Variants in CRMP1 observed in about 807,000 individuals in gnomAD.
CRMP1 encodes the protein collapsin response mediator protein 1.
Under a neutral mutation model 68.3 loss-of-function variants are expected in CRMP1, and 19 were observed. The ratio of observed to expected loss-of-function variants is 0.28; its 90% CI spans 0.19 to 0.41. CRMP1 has a LOEUF of 0.41. CRMP1 is among the 10% of genes least tolerant of loss of function. The pLI, the probability that CRMP1 is intolerant of heterozygous loss-of-function variation, is 1.00. For synonymous variants in CRMP1, 439 were observed against 399.6 expected, an observed-to-expected ratio of 1.10 and a Z score of -1.18; for missense variants, 791 against 967.4, an observed-to-expected ratio of 0.82 and a Z score of 2.42.
Position 5,870,654 on chromosome 4 carries a change from G to C in CRMP1, c.382-3898C>G, listed in dbSNP as rs1371753307. ...CACAGCTGTGAGCCGAGGAAGACCA[G>C]TGTGAAGAGGCACATCCCGTTCTTC... On this transcript the variant is annotated intron_variant, in intron 1 of 13. Coordinates refer to ENST00000324989, the MANE Select transcript of CRMP1 (RefSeq NM_001014809.3). This position sits in a 1 kb window ranked among gnomAD's most constrained non-coding sequence, Gnocchi z 6.0. 2.0e-5 allele frequency among the ~76,000 whole-genome samples: 3 copies of C among 152,236 alleles called. No individual in the cohort carries two copies. The highest frequency in any genetic ancestry group is 1.9e-4 in the East Asian group (1 of 5,200).
intron 8 of CRMP1, among the ~76,000 whole-genome samples, chr4:5,840,203 C>T (rs546901459): frequency 4.3e-4 from 66 of 152,318 alleles, no homozygotes; most frequent in Non-Finnish European, 8.4e-4. Context: ...CTCGGGAACA[C>T]GCCTCAGGGT....
rs544857103 is a variant in CRMP1 at position 5,852,558 on chromosome 4, G to A, written c.821-1089C>T. Among the ~76,000 whole-genome samples, 8 of 152,328 alleles carry A rather than the reference G, an allele frequency of 5.3e-5. No homozygotes were observed. The East Asian group carries it at 1.5e-3, about 29-fold the overall frequency. On this transcript the variant is annotated intron_variant, in intron 4 of 13. Transcript: ENST00000324989. ...TGTTACAAACACTTACTGAGAGCCT[G>A]CTGTATGCTGGGCATGTGCTAAGCA... is the stretch of plus-strand genomic sequence containing the variant.
chr4:5,863,755 A>G (rs901724755), intron 2 of CRMP1, among the ~76,000 whole-genome samples: 3 of 152,160 alleles, frequency 2.0e-5, no homozygotes, highest in African/African-American at 7.2e-5. Flanking sequence ...TCTTAAGAAA[A>G]CTTGGCAAAT....
intron 11 of CRMP1, among the ~76,000 whole-genome samples, chr4:5,833,197 C>T (rs958925885): frequency 1.1e-4 from 9 of 78,936 alleles, no homozygotes; most frequent in African/African-American, 2.9e-4. Context: ...GACGGAGTCT[C>T]GCTCTGTCGC....
rs2152465173 is a variant in CRMP1 at position 5,855,084 on chromosome 4, A to G, written c.820+1059T>C. On this transcript the variant is annotated intron_variant, in intron 4 of 13. Coordinates refer to ENST00000324989, the MANE Select transcript of CRMP1 (RefSeq NM_001014809.3). This position sits in a 1 kb window ranked among gnomAD's most constrained non-coding sequence, Gnocchi z 4.9. The stretch of plus-strand genomic sequence containing the variant: ...GATGAAAAGTAATTTGACTCATAAA[A>G]TGTTAAGTGAAAAAAGAAGGGTTCC... Among the ~76,000 whole-genome samples the G allele has an allele frequency of 6.6e-6, 1 of 152,356 alleles. No individual in the cohort carries two copies. Among genetic ancestry groups the G allele is most frequent in the East Asian group, 1.9e-4 (1 of 5,194 alleles).
chr4:5,878,792 C>T (rs1006866387), intron 1 of CRMP1, among the ~76,000 whole-genome samples: 3 of 152,000 alleles, frequency 2.0e-5, no homozygotes, highest in Non-Finnish European at 2.9e-5. Flanking sequence ...TAGCACTTCG[C>T]ACAGTGCCTT....
In CRMP1 at chr4:5,821,588, C is replaced by G; in HGVS notation, c.*172G>C. The G allele has an allele frequency of 1.6e-6, 1 of 636,002 alleles. No homozygotes were observed. Among genetic ancestry groups the G allele is most frequent in the Non-Finnish European group, 2.7e-6 (1 of 375,270 alleles). The allele number at this position is 636,002 out of a possible 1,614,324, so 39.4% of individuals were successfully genotyped here. A position where few individuals can be genotyped will look rare whatever the true frequency, so the allele number is the denominator to read the frequency against. ...GTGGGGCAAGGAATTTCCAAGCAAA[C>G]ACACCACACTAGTACCACTTCTTCC... On this transcript the variant is annotated 3_prime_UTR_variant, in exon 14 of 14. Transcript: ENST00000324989. The surrounding 1 kb of genome is among the most constrained non-coding windows in gnomAD (Gnocchi z 4.4).
rs1402180901 is a variant in CRMP1 at position 5,855,846 on chromosome 4, C to A, written c.820+297G>T. On this transcript the variant is annotated intron_variant, in intron 4 of 13. Coordinates refer to ENST00000324989, the MANE Select transcript of CRMP1 (RefSeq NM_001014809.3). The surrounding 1 kb of genome is among the most constrained non-coding windows in gnomAD (Gnocchi z 4.9). ...GCCAGTTTCAGGGATGGCAGCCAGGCTAGTGATCCGGGTGATGGAAAAGAA... is the reference window on the plus strand; with the variant it reads ...GCCAGTTTCAGGGATGGCAGCCAGGATAGTGATCCGGGTGATGGAAAAGAA... Among the ~76,000 whole-genome samples, 1 of 152,140 alleles carries A rather than the reference C, an allele frequency of 6.6e-6. No homozygotes were observed. Among genetic ancestry groups the A allele is most frequent in the African/African-American group, 2.4e-5 (1 of 41,430 alleles).
At position 5,837,057 on chromosome 4, in the gene CRMP1, C is replaced by T. The variant is rs139299333; in HGVS notation, c.1311-151G>A. 8.6e-4 allele frequency: 741 copies of T among 866,354 alleles called. 5 individuals are homozygous for T. In the African/African-American group the frequency reaches 0.011, roughly 13 times the overall value. 53.7% of individuals were successfully genotyped at this position (866,354 alleles called of 1,614,324 possible). A position where few individuals can be genotyped will look rare whatever the true frequency, so the allele number is the denominator to read the frequency against. ...AGAGACTCTCTAGCGTGTGCCTGCACGTGTCACAAGTCAGGGATGCCCCAT... is the reference window on the plus strand; with the variant it reads ...AGAGACTCTCTAGCGTGTGCCTGCATGTGTCACAAGTCAGGGATGCCCCAT... On this transcript the variant is annotated intron_variant, in intron 9 of 13. Coordinates refer to ENST00000324989, the MANE Select transcript of CRMP1 (RefSeq NM_001014809.3).
At chr4:5,871,477 G>A (rs1230853381) in intron 1 of CRMP1, among the ~76,000 whole-genome samples, 4 of 152,198 alleles carry the variant, frequency 2.6e-5, no homozygotes, top group Admixed American at 6.5e-5. Flanking sequence ...TGGCTAACAT[G>A]GTGAAACCCC....
chr4:5,828,835 T>C (rs987460915), intron 11 of CRMP1, among the ~76,000 whole-genome samples, 167 bp from the exon 12 acceptor site: 1 of 152,158 alleles, frequency 6.6e-6, no homozygotes, highest in Admixed American at 6.5e-5. Flanking sequence ...TGGTCCACAG[T>C]GTATATAACC....
Position 5,889,643 on chromosome 4 carries a change from G to A in CRMP1, c.381+2946C>T, listed in dbSNP as rs1053353958. ...CACCAACCTTGTCCACCACTTCGTTGTTCATTTTCTGCATGCGAAATCCAA... is the reference window on the plus strand; with the variant it reads ...CACCAACCTTGTCCACCACTTCGTTATTCATTTTCTGCATGCGAAATCCAA... On this transcript the variant is annotated intron_variant, in intron 1 of 13. Transcript: ENST00000324989. The surrounding 1 kb of genome is among the most constrained non-coding windows in gnomAD (Gnocchi z 4.5). 1 of 1,536,046 alleles carries A rather than the reference G, an allele frequency of 6.5e-7. No individual in the cohort carries two copies. The highest frequency in any genetic ancestry group is 8.7e-7 in the Non-Finnish European group (1 of 1,146,916).
intron 3 of CRMP1, among the ~76,000 whole-genome samples, chr4:5,856,921 C>CCAT (rs1560505713): frequency 6.9e-3 from 1,041 of 151,244 alleles, no homozygotes; most frequent in African/African-American, 0.024. Flanking sequence ...ATCACCACCA[C>CCAT]CACCACCATC....
chr4:5,859,217 G>A lies in CRMP1; in HGVS notation c.655+1809C>T, dbSNP rs545972951. The stretch of plus-strand genomic sequence containing the variant: ...TTAACATCTGTTGAATGAAGATGGG[G>A]AAGGGCGGGGACCCTTTCAGAGCCC... On this transcript the variant is annotated intron_variant, in intron 3 of 13. Coordinates refer to ENST00000324989, the MANE Select transcript of CRMP1 (RefSeq NM_001014809.3). This position sits in a 1 kb window ranked among gnomAD's most constrained non-coding sequence, Gnocchi z 5.2. Among the ~76,000 whole-genome samples the A allele has an allele frequency of 3.8e-3, 579 of 152,306 alleles. 3 individuals carry two copies. The highest frequency in any genetic ancestry group is 5.4e-3 in the Non-Finnish European group (367 of 68,020).
In CRMP1 at chr4:5,854,409, T is replaced by G. The variant is rs1233225331; in HGVS notation, c.820+1734A>C. Among the ~76,000 whole-genome samples the G allele has an allele frequency of 1.4e-4, 20 of 147,094 alleles. No homozygotes were observed. Among genetic ancestry groups the G allele is most frequent in the African/African-American group, 7.6e-5 (3 of 39,610 alleles). On this transcript the variant is annotated intron_variant, in intron 4 of 13. Transcript: ENST00000324989. This position sits in a 1 kb window ranked among gnomAD's most constrained non-coding sequence, Gnocchi z 4.0. ...ACCACTCCTGGCTATGTTTTTTTTT[T>G]TTTTTTTTTTTTTTTAATAGAGTCG...
In CRMP1 at chr4:5,854,666, T is replaced by C. The variant is rs901117672; in HGVS notation, c.820+1477A>G. Among the ~76,000 whole-genome samples, 2 of 152,134 alleles carry C rather than the reference T, an allele frequency of 1.3e-5. No individual in the cohort carries two copies. Among genetic ancestry groups the C allele is most frequent in the Non-Finnish European group, 2.9e-5 (2 of 68,026 alleles). On this transcript the variant is annotated intron_variant, in intron 4 of 13. Transcript: ENST00000324989. This position sits in a 1 kb window ranked among gnomAD's most constrained non-coding sequence, Gnocchi z 4.0. Reference sequence around the variant, plus strand: ...TATGCAAAATGTTGAATGTAATCAGTAAAGAACTGCCATGAAAACCACAAT... The same window carrying C: ...TATGCAAAATGTTGAATGTAATCAGCAAAGAACTGCCATGAAAACCACAAT...
chr4:5,824,225 C>T lies in CRMP1; in HGVS notation c.1969+1269G>A, dbSNP rs575145475. ...CTCCTTGAGAGCTTGTGTCTTGTTG[C>T]ACCCAGATAGCTTTTTCCCAGGATG... is the stretch of plus-strand genomic sequence containing the variant. On this transcript the variant is annotated intron_variant, in intron 13 of 13. Coordinates refer to ENST00000324989, the MANE Select transcript of CRMP1 (RefSeq NM_001014809.3). The T allele has an allele frequency of 6.6e-6, 6 of 904,886 alleles. No individual in the cohort carries two copies. The South Asian group carries it at 2.0e-4, about 31-fold the overall frequency. 56.1% of individuals were successfully genotyped at this position (904,886 alleles called of 1,614,324 possible).
chr4:5,868,265 A>ATCTATATATATATATC (rs199821470), intron 1 of CRMP1, among the ~76,000 whole-genome samples: 3 of 12,822 alleles, frequency 2.3e-4, no homozygotes, highest in African/African-American at 5.3e-4. Context: ...ATATATCTAT[A>ATCTATATATATATATC]TATATATATA....
chr4:5,865,635 A>G lies in CRMP1; in HGVS notation c.470+1033T>C, dbSNP rs990258366. 6.6e-6 allele frequency among the ~76,000 whole-genome samples: 1 copy of G among 151,686 alleles called. No individual in the cohort carries two copies. The highest frequency in any genetic ancestry group is 1.5e-5 in the Non-Finnish European group (1 of 67,918). ...ACTCCGTCTCAAAAAAAAAAAAAAA[A>G]AAGAAGGCCGCCGCCTACAGACCCC... On this transcript the variant is annotated intron_variant, in intron 2 of 13. Coordinates refer to ENST00000324989, the MANE Select transcript of CRMP1 (RefSeq NM_001014809.3). The surrounding 1 kb of genome is among the most constrained non-coding windows in gnomAD (Gnocchi z 4.1).
Sources: allele counts gnomAD v4.1 joint callset (sites outside exome capture counted in the v4.1 genomes callset), GRCh38; gene constraint gnomAD v4.1.1; non-coding constraint Gnocchi (gnomAD v3.1); transcripts MANE v1.5; gene names NCBI Gene and HGNC (gene_info 2026-07-23, HGNC 2026-07-21).